The following SLIRP variants were observed in gnomAD, a reference collection of about 807,000 sequenced individuals.
SLIRP encodes SRA stem-loop interacting RNA binding protein.
A neutral mutation model predicts 13.4 loss-of-function variants in SLIRP; 12 were observed. The observed-to-expected ratio is 0.89, with a 90% CI of 0.57 to 1.45. The LOEUF is 1.45. Among genes scored for constraint, SLIRP ranks in the 40% most tolerant of loss-of-function variants. The pLI, the probability that SLIRP is intolerant of heterozygous loss-of-function variation, is 0.00. For synonymous variants in SLIRP, 55 were observed against 47.1 expected (o/e 1.17, Z -0.69); for missense variants, 154 against 132.2 (o/e 1.17, Z -0.81).
At chr14:77,710,754 A>G in intron 1 of SLIRP, 84 bp from the exon 2 acceptor site, 1 of 1,593,442 alleles carries the variant, frequency 6.3e-7, no homozygotes. Context: ...TCCACAAGAA[A>G]TCTGGTGACC....
intron 3 of SLIRP, 59 bp downstream of exon 3, chr14:77,715,938 T>G: frequency 8.1e-7 from 1 of 1,232,176 alleles, no homozygotes; most frequent in South Asian, 1.2e-5. Flanking sequence ...TATTTAATTA[T>G]GTATCAATTA....
In SLIRP at chr14:77,710,297, A is replaced by G. The variant is rs79188171; in HGVS notation, c.98-541A>G. 8.1e-3 allele frequency among the ~76,000 whole-genome samples: 1,239 copies of G among 152,250 alleles called. 22 individuals carry two copies. Among genetic ancestry groups the G allele is most frequent in the African/African-American group, 0.029 (1,188 of 41,536 alleles). Reference sequence around the variant, plus strand: ...TAGCCAGGGGGAGATAGGATTACCAACATATGGAGGGGAGAGAACAACATA... The same window carrying G: ...TAGCCAGGGGGAGATAGGATTACCAGCATATGGAGGGGAGAGAACAACATA... On this transcript the variant is annotated intron_variant, in intron 1 of 3. Coordinates refer to ENST00000557342, the MANE Select transcript of SLIRP (RefSeq NM_031210.6).
intron 2 of SLIRP, among the ~76,000 whole-genome samples, 154 bp from the exon 3 acceptor site, chr14:77,715,618 C>T (rs2080470042): frequency 6.6e-6 from 1 of 152,094 alleles, no homozygotes; most frequent in Non-Finnish European, 1.5e-5. Flanking sequence ...GCACCCCAGC[C>T]TGGGTGACAG....
intron 2 of SLIRP, among the ~76,000 whole-genome samples, chr14:77,713,730 G>T (rs2080456961): frequency 6.6e-6 from 1 of 152,186 alleles, no homozygotes; most frequent in African/African-American, 2.4e-5. Flanking sequence ...TTAAGTCACT[G>T]ATGCAATGGA....
chr14:77,710,623 A>G (rs893281010), intron 1 of SLIRP: 3 of 1,518,768 alleles, frequency 2.0e-6, no homozygotes, highest in Admixed American at 2.0e-5. Flanking sequence ...TGGAGACTGC[A>G]GCCAACTCAA....
At chr14:77,708,266 T>C in intron 1 of SLIRP, 58 bp downstream of exon 1, 1 of 1,558,450 alleles carries the variant, frequency 6.4e-7, no homozygotes, top group East Asian at 2.2e-5. Flanking sequence ...TCCTCAAAGC[T>C]TCTGCTTTTT....
intron 2 of SLIRP, among the ~76,000 whole-genome samples, chr14:77,713,897 C>T (rs1027465074): frequency 2.0e-5 from 3 of 152,014 alleles, no homozygotes; most frequent in East Asian, 3.8e-4. Flanking sequence ...TAAAATAGGA[C>T]CTGCAAAGAA....
rs922949807 is a variant in SLIRP at position 77,708,244 on chromosome 14, AG to A, written c.97+38del. 2.5e-6 allele frequency: 4 copies of A among 1,599,652 alleles called. No homozygotes were observed. In the Admixed American group the frequency reaches 6.7e-5, roughly 27 times the overall value. ...GAGATGTGGGAGTAGTGGAATTTTT[AG>A]GTCCAAGTGATCCTCAAAGCTTCTG... is the stretch of plus-strand genomic sequence containing the variant. On this transcript the variant is annotated intron_variant, in intron 1 of 3. Transcript: ENST00000557342.
chr14:77,715,764 A>G lies in SLIRP; in HGVS notation c.157-8A>G, dbSNP rs757741866. 4.4e-6 allele frequency: 7 copies of G among 1,603,952 alleles called. No individual in the cohort carries two copies. The highest frequency in any genetic ancestry group is 1.3e-5 in the African/African-American group (1 of 74,248). Reference sequence around the variant, plus strand: ...TGATTAATCTTTTCCTATATTTTGAATTTTTAGGACAAGGAGACTGGCTTT... The same window carrying G: ...TGATTAATCTTTTCCTATATTTTGAGTTTTTAGGACAAGGAGACTGGCTTT... On this transcript the variant is annotated splice_polypyrimidine_tract_variant and splice_region_variant and intron_variant, in intron 2 of 3. Transcript: ENST00000557342.
At chr14:77,708,829 G>T (rs2080417267) in intron 1 of SLIRP, among the ~76,000 whole-genome samples, 1 of 152,210 alleles carries the variant, frequency 6.6e-6, no homozygotes, top group African/African-American at 2.4e-5. Flanking sequence ...CAGGCAATTG[G>T]ACAAAGGTTG....
rs147560423 is a variant in SLIRP at position 77,708,127 on chromosome 14, G to C, written c.16G>C (p.Ala6Pro). The C allele has an allele frequency of 2.3e-4, 372 of 1,614,142 alleles. 4 individuals carry two copies. The South Asian group carries it at 3.9e-3, about 17-fold the overall frequency. The change falls in exon 1 of 4, where the codon GCG (alanine) becomes CCG (proline). Residue 6 changes from alanine to proline, a missense_variant. Physicochemically the swap from Ala to Pro is conservative, Grantham distance 27. Transcript: ENST00000557342. The stretch of plus-strand genomic sequence containing the variant: ...TAGTCTGAAGATGGCGGCCTCAGCA[G>C]CGAGAGGTGCTGCGGCGCTGCGTAG... MAASA[A>P]RGAAALRRSI...
At chr14:77,714,318 T>C (rs2080460485) in intron 2 of SLIRP, among the ~76,000 whole-genome samples, 2 of 151,964 alleles carry the variant, frequency 1.3e-5, no homozygotes, top group Admixed American at 1.3e-4. Context: ...AGTTATTTTT[T>C]TTGAGACAGC....
chr14:77,711,399 A>T (rs1038050952), intron 2 of SLIRP, among the ~76,000 whole-genome samples: 1 of 152,088 alleles, frequency 6.6e-6, no homozygotes, highest in African/African-American at 2.4e-5. Context: ...GCCTGATCTC[A>T]CTGCAGCCTC....
intron 3 of SLIRP, 86 bp downstream of exon 3, chr14:77,715,965 G>A: frequency 9.9e-7 from 1 of 1,005,998 alleles, no homozygotes; most frequent in East Asian, 2.5e-5. Context: ...TCATAAATGT[G>A]GAATGATGGG....
intron 1 of SLIRP, chr14:77,710,437 C>T: frequency 1.9e-6 from 1 of 536,716 alleles, no homozygotes; most frequent in South Asian, 1.6e-5. Context: ...GGCAACTCAA[C>T]ACATTTTACT....
intron 3 of SLIRP, chr14:77,716,476 C>A: frequency 6.6e-6 from 1 of 151,476 alleles, no homozygotes; most frequent in Non-Finnish European, 1.5e-5. Context: ...GGAGAAACCC[C>A]ATCTCTACTA....
intron 2 of SLIRP, among the ~76,000 whole-genome samples, chr14:77,715,067 C>T (rs1450682298): frequency 1.3e-5 from 2 of 152,062 alleles, no homozygotes; most frequent in African/African-American, 2.4e-5. Context: ...TGATGATAGT[C>T]GTGGTGGTGG....
At chr14:77,712,979 G>A (rs939418444) in intron 2 of SLIRP, among the ~76,000 whole-genome samples, 2 of 149,656 alleles carry the variant, frequency 1.3e-5, no homozygotes, top group East Asian at 3.9e-4. Flanking sequence ...CATTACTTTC[G>A]CTGTATTCTT....
At chr14:77,710,542 G>C in intron 1 of SLIRP, 1 of 1,393,134 alleles carries the variant, frequency 7.2e-7, no homozygotes, top group Non-Finnish European at 9.5e-7. Context: ...TCTTCATTGT[G>C]ATCTGCTCAC....
Sources: gnomAD v4.1 joint callset for allele counts (sites outside exome capture counted in the v4.1 genomes callset) on GRCh38, gnomAD v4.1.1 for gene constraint, MANE v1.5 for transcripts, NCBI Gene and HGNC (gene_info 2026-07-23, HGNC 2026-07-21) for gene names.